Variants in KIAA0586 observed in about 807,000 individuals in gnomAD.
KIAA0586 encodes the protein protein TALPID3.
In KIAA0586, 144 loss-of-function variants were observed where a neutral mutation model predicts 169.8. The ratio of observed to expected loss-of-function variants is 0.85; its 90% CI spans 0.74 to 0.97. The LOEUF is 0.97. Among genes scored for constraint, KIAA0586 ranks in the 50% least tolerant of loss-of-function variants. KIAA0586 has a pLI of 0.00. For missense variants in KIAA0586, 1,854 were observed against 1,823.0 expected (o/e 1.02, Z -0.31); for synonymous variants, 625 against 612.4 (o/e 1.02, Z -0.30).
chr14:58,472,168 C>T (rs767195987), intron 17 of KIAA0586, 31 bp from the exon 18 acceptor site: 24 of 1,262,680 alleles, frequency 1.9e-5, no homozygotes, highest in Non-Finnish European at 2.5e-5. Flanking sequence ...GTGTTAAGCA[C>T]AACAAAAACT....
Position 58,547,882 on chromosome 14 carries a change from C to T in KIAA0586, c.4597C>T (p.Leu1533Phe), listed in dbSNP as rs1179765334. 6.2e-7 allele frequency: 1 copy of T among 1,613,708 alleles called. No homozygotes were observed. The highest frequency in any genetic ancestry group is 8.5e-7 in the Non-Finnish European group (1 of 1,179,752). The stretch of plus-strand genomic sequence containing the variant: ...CGAGGACTGCTCTCAGTCTCTGAGT[C>T]TCAGCACAATGCAGGAGGACATGGA... ...NLEDCSQSLS[L>F]STMQEDMESS... Residue 1533 changes from leucine to phenylalanine, a missense_variant, in exon 31 of 31, where the codon CTC becomes TTC. Physicochemically the swap from Leu to Phe is conservative, Grantham distance 22. Transcript: ENST00000652326.
intron 23 of KIAA0586, 131 bp from the exon 24 acceptor site, chr14:58,488,490 A>G (rs2042622036): frequency 1.8e-5 from 18 of 975,372 alleles, no homozygotes; most frequent in Non-Finnish European, 2.4e-5. Context: ...AAATCTTGTT[A>G]ATTATAGTAG....
At chr14:58,494,329 G>GT (rs11428665) in intron 26 of KIAA0586, among the ~76,000 whole-genome samples, 137,271 of 142,146 alleles carry the variant, frequency 0.97, 66,329 homozygotes, top group South Asian at 0.99. Context: ...GTTTTTTGTT[G>GT]TTTTTTTTTT....
chr14:58,472,226 G>A lies in KIAA0586; in HGVS notation c.2581G>A (p.Glu861Lys), dbSNP rs2041276226. 1 of 1,586,214 alleles carries A rather than the reference G, an allele frequency of 6.3e-7. No individual in the cohort carries two copies. The highest frequency in any genetic ancestry group is 8.6e-7 in the Non-Finnish European group (1 of 1,166,798). Residue 861 changes from glutamate (E) to lysine (K), a missense_variant, in exon 18 of 31, where the codon GAA becomes AAA. Transcript: ENST00000652326. The stretch of plus-strand genomic sequence containing the variant: ...TCCAGAAATTATGAAGGTAGATGAA[G>A]AAGAGGTGAAGTTTCCAGGAACTAA... The part of the protein sequence containing the change: ...KTPEIMKVDE[E>K]EVKFPGTNFD...
chr14:58,513,619 G>A (rs1225263405), intron 29 of KIAA0586, among the ~76,000 whole-genome samples: 1 of 150,260 alleles, frequency 6.7e-6, no homozygotes, highest in Admixed American at 6.6e-5. Flanking sequence ...TAATATTAAT[G>A]TACTATGGAA....
At chr14:58,452,988 G>C (rs1377970964) in intron 8 of KIAA0586, among the ~76,000 whole-genome samples, 3 of 151,796 alleles carry the variant, frequency 2.0e-5, no homozygotes, top group Admixed American at 2.0e-4. Context: ...TGTGATTTTG[G>C]CTTGTTGCAA....
chr14:58,532,681 G>C (rs904657400), intron 29 of KIAA0586, among the ~76,000 whole-genome samples: 6 of 152,138 alleles, frequency 3.9e-5, no homozygotes, highest in African/African-American at 1.4e-4. Flanking sequence ...CAGTGTCCCT[G>C]ATGGGCTCCT....
intron 4 of KIAA0586, 91 bp from the exon 5 acceptor site, chr14:58,442,615 C>T: frequency 1.0e-6 from 1 of 980,796 alleles, no homozygotes; most frequent in Non-Finnish European, 1.4e-6. Context: ...AAAATCAAAA[C>T]CACCTTCGGC....
At position 58,490,168 on chromosome 14, in the gene KIAA0586, A is replaced by C. The variant is rs374590484; in HGVS notation, c.3786A>C (p.Leu1262Phe). 2 of 1,374,992 alleles carry C rather than the reference A, an allele frequency of 1.5e-6. No homozygotes were observed. Among genetic ancestry groups the C allele is most frequent in the Non-Finnish European group, 2.0e-6 (2 of 1,015,806 alleles). 85.2% of individuals were successfully genotyped at this position (1,374,992 alleles called of 1,614,324 possible). Reference protein sequence around the residue: ...SCGQKLAPKILEDIGLYLTNL... With the variant: ...SCGQKLAPKIFEDIGLYLTNL... ...CTTTTATATTTTAATTTCTAGTTTTAGAAGATATAGGACTGTACCTGACAA... is the reference window on the plus strand; with the variant it reads ...CTTTTATATTTTAATTTCTAGTTTTCGAAGATATAGGACTGTACCTGACAA... The change falls in exon 25 of 31, where the codon TTA becomes TTC. Residue 1262 changes from leucine (L) to phenylalanine (F), a missense_variant. Physicochemically the swap from Leu to Phe is conservative, Grantham distance 22. Coordinates refer to ENST00000652326, the MANE Select transcript of KIAA0586 (RefSeq NM_001329943.3).
chr14:58,557,901 C>CTTTTTTTTT, the KIAA0586 span, among the ~76,000 whole-genome samples: 434 of 42,514 alleles, frequency 0.01, 98 homozygotes, highest in Middle Eastern at 0.022. Context: ...CCTGAGAAAT[C>CTTTTTTTTT]TTTTTTTTTT....
At chr14:58,547,175 C>A (rs1355399450) in intron 30 of KIAA0586, among the ~76,000 whole-genome samples, 1 of 147,790 alleles carries the variant, frequency 6.8e-6, no homozygotes, top group Non-Finnish European at 1.5e-5. Flanking sequence ...AAAAAAAGTT[C>A]TTGCTCTAAC....
intron 12 of KIAA0586, 24 bp from the exon 13 acceptor site, chr14:58,459,819 A>T: frequency 7.8e-7 from 1 of 1,284,068 alleles, no homozygotes; most frequent in Non-Finnish European, 1.1e-6. Flanking sequence ...CATTTTAAGT[A>T]ATTTTAACTT....
rs1015444951 is a variant in KIAA0586, at chr14:58,498,939, C to T, written c.4147C>T (p.Arg1383Trp). The part of the protein sequence containing the change: ...DQQCDPKPLS[R>W]QFDTVSGSIY... Reference sequence around the variant, plus strand: ...ACAATGTGATCCTAAACCATTATCTCGGCAATTTGACACAGTTTCAGGTAG... The same window carrying T: ...ACAATGTGATCCTAAACCATTATCTTGGCAATTTGACACAGTTTCAGGTAG... Residue 1383 changes from arginine (R) to tryptophan (W), a missense_variant, in exon 27 of 31, where the codon CGG becomes TGG. By Grantham distance (101) the Arg-to-Trp change is moderately radical (BLOSUM62 -3). Coordinates refer to ENST00000652326, the MANE Select transcript of KIAA0586 (RefSeq NM_001329943.3). The T allele has an allele frequency of 1.9e-6, 3 of 1,604,206 alleles. No homozygotes were observed. Among genetic ancestry groups the T allele is most frequent in the Admixed American group, 1.7e-5 (1 of 58,400 alleles).
intron 30 of KIAA0586, among the ~76,000 whole-genome samples, chr14:58,540,786 T>G (rs554282404): frequency 6.6e-6 from 1 of 152,336 alleles, no homozygotes; most frequent in Non-Finnish European, 1.5e-5. Context: ...TGTTTAATAG[T>G]GACTAATTCT....
chr14:58,560,022 G>A, the KIAA0586 span, among the ~76,000 whole-genome samples: 15 of 151,960 alleles, frequency 9.9e-5, no homozygotes, highest in African/African-American at 2.9e-4. Flanking sequence ...ATGATGGCAC[G>A]CGCCTGTAAT....
intron 29 of KIAA0586, among the ~76,000 whole-genome samples, chr14:58,528,825 G>A (rs1426941524): frequency 1.3e-5 from 2 of 152,130 alleles, no homozygotes; most frequent in African/African-American, 4.8e-5. Flanking sequence ...AAATTCAAAA[G>A]CTAGCGGAAG....
intron 14 of KIAA0586, among the ~76,000 whole-genome samples, chr14:58,461,749 C>A (rs2040340213): frequency 6.6e-6 from 1 of 152,158 alleles, no homozygotes; most frequent in Non-Finnish European, 1.5e-5. Context: ...CAGCCATTTG[C>A]TGTTTATTAT....
intron 27 of KIAA0586, among the ~76,000 whole-genome samples, chr14:58,506,910 G>T (rs2043995747): frequency 6.6e-6 from 1 of 152,054 alleles, no homozygotes. Context: ...ACTTTGGGAG[G>T]CTGAGGCAGG....
intron 6 of KIAA0586, among the ~76,000 whole-genome samples, chr14:58,445,431 CTTTTTCTTTT>C (rs777264169): frequency 2.0e-5 from 3 of 149,830 alleles, no homozygotes; most frequent in Non-Finnish European, 4.4e-5. Flanking sequence ...CTTTTTCTTT[CTTTTTCTTTT>C]TTTTTTTTTT....
Sources: allele counts gnomAD v4.1 joint callset (sites outside exome capture counted in the v4.1 genomes callset), GRCh38; gene constraint gnomAD v4.1.1; transcripts MANE v1.5; gene names NCBI Gene and HGNC (gene_info 2026-07-23, HGNC 2026-07-21).